The following MGAT5 variants were observed in gnomAD, a reference collection of about 807,000 sequenced individuals.
The protein encoded by MGAT5 is alpha-1,6-mannosylglycoprotein 6-beta-N-acetylglucosaminyltransferase A.
In MGAT5, 30 loss-of-function variants were observed where a neutral mutation model predicts 94.3. The ratio of observed to expected loss-of-function variants is 0.32; its 90% CI spans 0.24 to 0.43. The LOEUF (loss-of-function observed/expected upper bound fraction) is 0.43. MGAT5 is among the 20% of genes least tolerant of loss of function. The pLI is 1.00. For synonymous variants in MGAT5, 310 were observed against 322.9 expected (o/e 0.96, Z 0.43); for missense variants, 691 against 905.5 (o/e 0.76, Z 3.04).
intron 1 of MGAT5, among the ~76,000 whole-genome samples, chr2:134,179,977 C>T (rs1026317082): frequency 7.2e-5 from 11 of 152,104 alleles, no homozygotes; most frequent in East Asian, 3.9e-4. Flanking sequence ...TCACTACAGG[C>T]GAATAATAAT....
chr2:134,133,065 C>T (rs1203277166), intron 1 of MGAT5, among the ~76,000 whole-genome samples: 1 of 152,138 alleles, frequency 6.6e-6, no homozygotes, highest in Non-Finnish European at 1.5e-5. Flanking sequence ...TTCATTAGAT[C>T]CCGGCAGTGC....
intron 15 of MGAT5, among the ~76,000 whole-genome samples, chr2:134,446,302 G>A (rs1391328455): frequency 6.6e-6 from 1 of 152,034 alleles, no homozygotes; most frequent in East Asian, 1.9e-4. Context: ...GCGAGCAGGA[G>A]GGTTTTTCAT....
chr2:134,267,635 TG>T, intron 1 of MGAT5, among the ~76,000 whole-genome samples: 1 of 152,332 alleles, frequency 6.6e-6, no homozygotes, highest in South Asian at 2.1e-4. Context: ...TCTTCTTAAT[TG>T]TAAGTATGAC....
chr2:134,434,858 G>A (rs1263224895), intron 14 of MGAT5, among the ~76,000 whole-genome samples: 1 of 152,168 alleles, frequency 6.6e-6, no homozygotes, highest in Non-Finnish European at 1.5e-5. Flanking sequence ...TTACTAGACT[G>A]CGCACTGAAC....
chr2:134,221,028 A>G (rs1026167102), intron 1 of MGAT5, among the ~76,000 whole-genome samples: 11 of 152,132 alleles, frequency 7.2e-5, no homozygotes, highest in Non-Finnish European at 1.6e-4. Flanking sequence ...TGTGGATAAC[A>G]GTTGAGAGCC....
intron 2 of MGAT5, among the ~76,000 whole-genome samples, chr2:134,294,789 C>G (rs1377692762): frequency 6.6e-6 from 1 of 152,168 alleles, no homozygotes; most frequent in Non-Finnish European, 1.5e-5. Context: ...ATAGTCTGTT[C>G]CTCTTCCTTA....
intron 1 of MGAT5, among the ~76,000 whole-genome samples, chr2:134,182,515 G>C (rs1688781538): frequency 1.3e-5 from 2 of 152,168 alleles, no homozygotes; most frequent in Admixed American, 6.5e-5. Context: ...TGTGTTGATT[G>C]ATACATTTAC....
At chr2:134,228,250 A>C (rs1351721445) in intron 1 of MGAT5, among the ~76,000 whole-genome samples, 3 of 152,194 alleles carry the variant, frequency 2.0e-5, no homozygotes, top group African/African-American at 7.2e-5. Flanking sequence ...GTTTCTTGGA[A>C]GGGGAAAGTG....
At chr2:134,267,041 G>A (rs1683761771) in intron 1 of MGAT5, among the ~76,000 whole-genome samples, 1 of 152,198 alleles carries the variant, frequency 6.6e-6, no homozygotes, top group African/African-American at 2.4e-5. Flanking sequence ...ACTGGGTCGG[G>A]TGGACAGAGT....
intron 2 of MGAT5, among the ~76,000 whole-genome samples, chr2:134,310,967 G>T (rs557066043): frequency 5.0e-4 from 76 of 152,344 alleles, no homozygotes; most frequent in African/African-American, 1.7e-3. Flanking sequence ...GCACTTTGCA[G>T]GGGCCATCTG....
intron 1 of MGAT5, among the ~76,000 whole-genome samples, chr2:134,154,524 G>A (rs143716656): frequency 1.3e-5 from 2 of 152,314 alleles, no homozygotes; most frequent in African/African-American, 2.4e-5. Context: ...GCCCGTCCAG[G>A]TGTCCCCATT....
Position 134,237,123 on chromosome 2 carries a change from A to ATGTGTGTGTGTGTGTGTGTG in MGAT5, c.-142-17132_-142-17113dup, listed in dbSNP as rs68003122. ...TAGGTAGGTTATGTAGAAGGAGTAT[A>ATGTGTGTGTGTGTGTGTGTG]TGTGTGTGTGTGTGTGTGTGTGTGT... On this transcript the variant is annotated intron_variant, in intron 1 of 16. Coordinates refer to the MGAT5 transcript ENST00000409645. Among the ~76,000 whole-genome samples, 73 of 140,716 alleles carry ATGTGTGTGTGTGTGTGTGTG rather than the reference A, an allele frequency of 5.2e-4. 1 individual carries two copies. Among genetic ancestry groups the ATGTGTGTGTGTGTGTGTGTG allele is most frequent in the South Asian group, 2.0e-3 (9 of 4,518 alleles). 92.3% of individuals were successfully genotyped at this position (140,716 alleles called of 152,430 possible).
At chr2:134,330,530 G>A (rs1393812275) in intron 4 of MGAT5, among the ~76,000 whole-genome samples, 1 of 143,306 alleles carries the variant, frequency 7.0e-6, no homozygotes, top group Non-Finnish European at 1.5e-5. Flanking sequence ...GTGTTATAAG[G>A]CCCTATGGGG....
chr2:134,255,065 G>A lies in MGAT5; in HGVS notation c.241+421G>A, dbSNP rs3748899. ...GGGGAGGAATGTTCTATGGAAGCCA[G>A]TAAACTTAGAGCCAATTGTGTTCCT... is the stretch of plus-strand genomic sequence containing the variant. On this transcript the variant is annotated intron_variant, in intron 1 of 15. Transcript: ENST00000281923. Among the ~76,000 whole-genome samples, 603 of 152,294 alleles carry A rather than the reference G, an allele frequency of 4.0e-3. 17 individuals carry two copies. The East Asian group carries it at 0.082, about 21-fold the overall frequency.
At chr2:134,131,600 T>A (rs1686172940) in intron 1 of MGAT5, among the ~76,000 whole-genome samples, 1 of 125,922 alleles carries the variant, frequency 7.9e-6, no homozygotes, top group African/African-American at 3.6e-5. Flanking sequence ...TTTTTTTTTT[T>A]TACTATTGGC....
intron 1 of MGAT5, among the ~76,000 whole-genome samples, chr2:134,182,556 C>G (rs1470260610): frequency 6.6e-6 from 1 of 152,126 alleles, no homozygotes; most frequent in African/African-American, 2.4e-5. Flanking sequence ...CATTGGTATG[C>G]AGCATGATTT....
chr2:134,409,261 C>G (rs1558865506), intron 11 of MGAT5, among the ~76,000 whole-genome samples: 1 of 152,110 alleles, frequency 6.6e-6, no homozygotes, highest in Non-Finnish European at 1.5e-5. Context: ...CACAGCAACC[C>G]CATGAAATAA....
In MGAT5 at chr2:134,257,836, C is replaced by CTTTT. The variant is rs10628858; in HGVS notation, c.241+3208_241+3211dup. 2.2e-4 allele frequency among the ~76,000 whole-genome samples: 23 copies of CTTTT among 106,426 alleles called. 1 individual carries two copies. Among genetic ancestry groups the CTTTT allele is most frequent in the African/African-American group, 6.9e-4 (19 of 27,378 alleles). 69.8% of individuals were successfully genotyped at this position (106,426 alleles called of 152,430 possible). On this transcript the variant is annotated intron_variant, in intron 1 of 15. Transcript: ENST00000281923. ...TGCATAGGCCATTAGTTTGCAGTCT[C>CTTTT]TTTTTTTTTTTTTTTTTTTGCCATA...
At chr2:134,191,255 A>T (rs965104582) in intron 1 of MGAT5, among the ~76,000 whole-genome samples, 1 of 152,262 alleles carries the variant, frequency 6.6e-6, no homozygotes, top group East Asian at 1.9e-4. Flanking sequence ...AGCATGGGGT[A>T]TTGTCATGGT....
Sources: gnomAD v4.1 joint callset for allele counts (sites outside exome capture counted in the v4.1 genomes callset) on GRCh38, gnomAD v4.1.1 for gene constraint, MANE v1.5 for transcripts, NCBI Gene and HGNC (gene_info 2026-07-23, HGNC 2026-07-21) for gene names.